The following ATOSA variants were observed in gnomAD, a reference collection of about 807,000 sequenced individuals.
The protein encoded by ATOSA is atos homolog A.
chr15:52,654,946 T>G, the ATOSA span, among the ~76,000 whole-genome samples: 1 of 151,672 alleles, frequency 6.6e-6, no homozygotes, highest in Non-Finnish European at 1.5e-5. Context: ...ATATGTATCA[T>G]ATATATATAT....
At chr15:52,668,842 CAATT>C in the ATOSA span, among the ~76,000 whole-genome samples, 1 of 144,006 alleles carries the variant, frequency 6.9e-6, no homozygotes, top group Non-Finnish European at 1.5e-5. Context: ...AAAATGGTCA[CAATT>C]AATCTATGAA....
the ATOSA span, among the ~76,000 whole-genome samples, chr15:52,607,418 T>C: frequency 6.6e-6 from 1 of 152,212 alleles, no homozygotes; most frequent in Non-Finnish European, 1.5e-5. Flanking sequence ...GAGGAATTAA[T>C]TCATTTTCTA....
chr15:52,701,988 G>A, the ATOSA span, among the ~76,000 whole-genome samples: 2 of 151,624 alleles, frequency 1.3e-5, no homozygotes, highest in African/African-American at 4.8e-5. Flanking sequence ...CAGAAAAATG[G>A]GCAAATAACA....
the ATOSA span, among the ~76,000 whole-genome samples, chr15:52,629,214 A>C: frequency 6.6e-6 from 1 of 152,194 alleles, no homozygotes; most frequent in East Asian, 1.9e-4. Context: ...TTTTAAGAGC[A>C]GTTTTAAGTT....
the ATOSA span, among the ~76,000 whole-genome samples, chr15:52,699,013 GT>G: frequency 6.6e-6 from 1 of 152,154 alleles, no homozygotes; most frequent in African/African-American, 2.4e-5. Flanking sequence ...AAAAAAGAAA[GT>G]TATTACTGGA....
At chr15:52,617,143 G>A in the ATOSA span, among the ~76,000 whole-genome samples, 3 of 152,268 alleles carry the variant, frequency 2.0e-5, no homozygotes, top group East Asian at 5.8e-4. Context: ...TGGAAATAAG[G>A]CTTTTAGGAG....
chr15:52,659,302 G>C, the ATOSA span, among the ~76,000 whole-genome samples: 6 of 152,218 alleles, frequency 3.9e-5, no homozygotes, highest in Non-Finnish European at 7.3e-5. Flanking sequence ...CAGTGAACAA[G>C]AGAGGGAGAA....
chr15:52,707,238 C>A, the ATOSA span, among the ~76,000 whole-genome samples: 1 of 152,164 alleles, frequency 6.6e-6, no homozygotes, highest in Non-Finnish European at 1.5e-5. Flanking sequence ...AGGGTATTTA[C>A]ACGGTCTCAT....
the ATOSA span, among the ~76,000 whole-genome samples, chr15:52,638,082 A>G: frequency 6.6e-6 from 1 of 152,198 alleles, no homozygotes; most frequent in Non-Finnish European, 1.5e-5. Flanking sequence ...TAAGTATATT[A>G]GGTATAGATT....
chr15:52,618,424 C>T, the ATOSA span, among the ~76,000 whole-genome samples: 1 of 152,120 alleles, frequency 6.6e-6, no homozygotes, highest in East Asian at 1.9e-4. Context: ...AGCACCTGAT[C>T]ATTTCTGCAG....
At chr15:52,660,372 C>T in the ATOSA span, among the ~76,000 whole-genome samples, 2 of 152,126 alleles carry the variant, frequency 1.3e-5, no homozygotes, top group Admixed American at 6.5e-5. Context: ...CTAAAGCATG[C>T]CAGACTCTTT....
chr15:52,678,717 G>C, the ATOSA span: 1 of 153,096 alleles, frequency 6.5e-6, no homozygotes, highest in Non-Finnish European at 1.5e-5. Flanking sequence ...CTCCCAACCA[G>C]TCCTCCGCGG....
At chr15:52,686,372 C>T in the ATOSA span, among the ~76,000 whole-genome samples, 5 of 152,170 alleles carry the variant, frequency 3.3e-5, no homozygotes, top group Admixed American at 6.5e-5. Flanking sequence ...ATAAACTGAT[C>T]GGGTATTTCA....
At chr15:52,637,313 A>C in the ATOSA span, among the ~76,000 whole-genome samples, 1 of 152,098 alleles carries the variant, frequency 6.6e-6, no homozygotes, top group South Asian at 2.1e-4. Context: ...AAAAAGGGAG[A>C]AAATTAAGAC....
chr15:52,649,219 A>T, the ATOSA span, among the ~76,000 whole-genome samples: 1 of 152,178 alleles, frequency 6.6e-6, no homozygotes, highest in African/African-American at 2.4e-5. Context: ...GACTATGAAA[A>T]GCAAATATTT....
the ATOSA span, among the ~76,000 whole-genome samples, chr15:52,640,362 T>A: frequency 6.6e-6 from 1 of 151,456 alleles, no homozygotes; most frequent in South Asian, 2.1e-4. Context: ...GGTTAGGAGT[T>A]CAAGAACAGC....
At chr15:52,668,522 T>C in the ATOSA span, among the ~76,000 whole-genome samples, 1 of 152,192 alleles carries the variant, frequency 6.6e-6, no homozygotes, top group Non-Finnish European at 1.5e-5. Flanking sequence ...CCCTAAAGTA[T>C]TATATATTAT....
chr15:52,661,767 T>C, the ATOSA span, among the ~76,000 whole-genome samples: 9 of 152,084 alleles, frequency 5.9e-5, no homozygotes, highest in Non-Finnish European at 7.4e-5. Context: ...GAAGTGTGCC[T>C]GCAGAACCAG....
At chr15:52,586,836 C>G in the ATOSA span, 1 of 201,442 alleles carries the variant, frequency 5.0e-6, no homozygotes, top group African/African-American at 2.3e-5. Context: ...ACAGGTTCGT[C>G]TCAATTTGGT....
Sources: gnomAD v4.1 joint callset for allele counts (sites outside exome capture counted in the v4.1 genomes callset) on GRCh38, gnomAD v4.1.1 for gene constraint, MANE v1.5 for transcripts, NCBI Gene and HGNC (gene_info 2026-07-23, HGNC 2026-07-21) for gene names.